The following TCERG1L variants were observed in gnomAD, a reference collection of about 807,000 sequenced individuals.
The protein encoded by TCERG1L is transcription elongation regulator 1-like protein.
Under a neutral mutation model 56.3 loss-of-function variants are expected in TCERG1L, and 37 were observed. The observed-to-expected ratio is 0.66, with a 90% CI of 0.51 to 0.87. The LOEUF is 0.87. TCERG1L is among the 40% of genes least tolerant of loss of function. TCERG1L has a pLI of 0.00. For missense variants in TCERG1L, 799 were observed against 774.2 expected (o/e 1.03, Z -0.38); for synonymous variants, 324 against 326.3 (o/e 0.99, Z 0.08).
At chr10:131,234,451 T>C (rs568924239) in intron 4 of TCERG1L, among the ~76,000 whole-genome samples, 1 of 152,344 alleles carries the variant, frequency 6.6e-6, no homozygotes, top group South Asian at 2.1e-4. Flanking sequence ...ATAAAAGCTA[T>C]TAAAACCTTT....
rs545908314 is a variant in TCERG1L at position 131,180,283 on chromosome 10, G to C, written c.857-13398C>G. On this transcript the variant is annotated intron_variant, in intron 4 of 11. Coordinates refer to ENST00000368642, the MANE Select transcript of TCERG1L (RefSeq NM_174937.4). ...GGCTCACAGGCAGGGGCGAGTGACA[G>C]AAGACAGGCAACGCAGGAGCGAGGC... is the stretch of plus-strand genomic sequence containing the variant. Among the ~76,000 whole-genome samples the C allele has an allele frequency of 2.0e-5, 3 of 152,352 alleles. No homozygotes were observed. The East Asian group carries it at 5.8e-4, about 29-fold the overall frequency.
chr10:131,221,430 A>G lies in TCERG1L; in HGVS notation c.856+38829T>C, dbSNP rs540228594. On this transcript the variant is annotated intron_variant, in intron 4 of 11. Transcript: ENST00000368642. ...AAGGTAGTGGAGAAAGACCCCACCT[A>G]GGGTGACAGCACCCTCTCCCAGGAA... Among the ~76,000 whole-genome samples the G allele has an allele frequency of 2.0e-5, 3 of 152,346 alleles. No homozygotes were observed. The South Asian group carries it at 6.2e-4, about 32-fold the overall frequency.
chr10:131,283,357 G>A (rs1846484745), intron 3 of TCERG1L, among the ~76,000 whole-genome samples: 1 of 152,228 alleles, frequency 6.6e-6, no homozygotes, highest in Non-Finnish European at 1.5e-5. Context: ...CTTCACGGGG[G>A]ACTGGTCTGC....
Position 131,132,701 on chromosome 10 carries a change from T to G in TCERG1L, c.1259+1678A>C, listed in dbSNP as rs530724009. Among the ~76,000 whole-genome samples the G allele has an allele frequency of 2.1e-3, 325 of 152,378 alleles. 1 individual carries two copies. Among genetic ancestry groups the G allele is most frequent in the African/African-American group, 7.6e-3 (315 of 41,598 alleles). ...ATCAGAGAGGCTGCACTGGGCTCTT[T>G]CCTGGAGCCCTTGGCCCCCGTCAGA... is the stretch of plus-strand genomic sequence containing the variant. On this transcript the variant is annotated intron_variant, in intron 8 of 11. Transcript: ENST00000368642.
intron 9 of TCERG1L, among the ~76,000 whole-genome samples, chr10:131,105,026 G>A (rs528246438): frequency 1.3e-5 from 2 of 152,190 alleles, no homozygotes; most frequent in East Asian, 1.9e-4. Flanking sequence ...ATCACATTTC[G>A]CTGCCATATC....
chr10:131,206,080 C>G (rs954018841), intron 4 of TCERG1L, among the ~76,000 whole-genome samples: 1 of 152,240 alleles, frequency 6.6e-6, no homozygotes, highest in Non-Finnish European at 1.5e-5. Flanking sequence ...GCTGCAGACA[C>G]GAAGCCCTCA....
intron 4 of TCERG1L, among the ~76,000 whole-genome samples, chr10:131,229,149 G>A (rs893653711): frequency 6.7e-6 from 1 of 149,342 alleles, no homozygotes; most frequent in Admixed American, 6.6e-5. Flanking sequence ...CTCCAGACAG[G>A]CATTTCCTCA....
In TCERG1L at chr10:131,311,396, C is replaced by T; in HGVS notation, c.240G>A (p.Trp80Ter). 8.4e-7 allele frequency: 1 copy of T among 1,186,516 alleles called. No homozygotes were observed. Among genetic ancestry groups the T allele is most frequent in the Non-Finnish European group, 1.0e-6 (1 of 960,336 alleles). 73.5% of individuals were successfully genotyped at this position (1,186,516 alleles called of 1,614,324 possible). A position where few individuals can be genotyped will look rare whatever the true frequency, so the allele number is the denominator to read the frequency against. The part of the protein sequence containing the change: ...AAPLLPGLPG[W>*]PAPSEPVLPL... ...GGAGCACCGGCTCGCTCGGGGCCGG[C>T]CAGCCGGGGAGACCGGGGAGCAGCG... The change falls in exon 1 of 12, where the codon TGG (tryptophan) becomes TGA (stop). Residue 80 changes from tryptophan (W) to a stop codon, truncating the protein, a stop_gained. Transcript: ENST00000368642. LOFTEE classifies it high-confidence loss of function. This position sits in a 1 kb window ranked among gnomAD's most constrained non-coding sequence, Gnocchi z 4.0.
intron 4 of TCERG1L, among the ~76,000 whole-genome samples, chr10:131,254,020 G>A (rs1846142225): frequency 6.6e-6 from 1 of 152,182 alleles, no homozygotes; most frequent in African/African-American, 2.4e-5. Flanking sequence ...AGGATGGGAG[G>A]ACTCGGGCCA....
intron 4 of TCERG1L, among the ~76,000 whole-genome samples, chr10:131,257,338 C>T (rs1275776691): frequency 6.6e-6 from 1 of 152,206 alleles, no homozygotes. Context: ...CCCGTGCTGA[C>T]ACCACTCTGA....
intron 3 of TCERG1L, among the ~76,000 whole-genome samples, chr10:131,291,719 C>T (rs569043732): frequency 1.1e-3 from 161 of 151,922 alleles, no homozygotes; most frequent in African/African-American, 3.4e-3. Context: ...AGCCACCGCG[C>T]CCGGCCTCCA....
intron 4 of TCERG1L, among the ~76,000 whole-genome samples, chr10:131,236,425 C>G (rs1237122439): frequency 6.6e-6 from 1 of 152,194 alleles, no homozygotes; most frequent in Non-Finnish European, 1.5e-5. Flanking sequence ...CCAGGGCCAC[C>G]AAGCCTGGGG....
At chr10:131,095,812 T>C (rs1180635144) in intron 11 of TCERG1L, 8 of 152,208 alleles carry the variant, frequency 5.3e-5, no homozygotes, top group South Asian at 2.1e-4. Flanking sequence ...AAAGAGTCCG[T>C]TTAACTCCCT....
At chr10:131,141,207 T>G (rs183562091) in intron 7 of TCERG1L, among the ~76,000 whole-genome samples, 2 of 152,218 alleles carry the variant, frequency 1.3e-5, no homozygotes, top group African/African-American at 2.4e-5. Flanking sequence ...ACACCACGGG[T>G]GCTGTGATCT....
At chr10:131,240,228 A>C (rs1433736738) in intron 4 of TCERG1L, among the ~76,000 whole-genome samples, 5 of 152,056 alleles carry the variant, frequency 3.3e-5, no homozygotes, top group African/African-American at 1.2e-4. Flanking sequence ...ATGTGTGTGG[A>C]GCAGGCGCTT....
chr10:131,125,611 G>A (rs897113883), intron 8 of TCERG1L, among the ~76,000 whole-genome samples: 10 of 152,222 alleles, frequency 6.6e-5, no homozygotes, highest in African/African-American at 2.4e-4. Context: ...ACGTGCCTCT[G>A]GCAGCTATAA....
At chr10:131,128,219 G>T (rs1412777827) in intron 8 of TCERG1L, among the ~76,000 whole-genome samples, 1 of 152,108 alleles carries the variant, frequency 6.6e-6, no homozygotes, top group Non-Finnish European at 1.5e-5. Flanking sequence ...TGTCATAGAA[G>T]GAATAGAAAG....
intron 5 of TCERG1L, among the ~76,000 whole-genome samples, chr10:131,163,417 G>A (rs1845998692): frequency 6.6e-6 from 1 of 152,178 alleles, no homozygotes; most frequent in South Asian, 2.1e-4. Context: ...AGAATCACCT[G>A]GACAAAGGCA....
Position 131,221,106 on chromosome 10 carries a change from C to A in TCERG1L, c.856+39153G>T, listed in dbSNP as rs148149878. 2.6e-5 allele frequency among the ~76,000 whole-genome samples: 4 copies of A among 152,298 alleles called. No homozygotes were observed. In the South Asian group the frequency reaches 8.3e-4, roughly 32 times the overall value. On this transcript the variant is annotated intron_variant, in intron 4 of 11. Transcript: ENST00000368642. ...ACCTGCAGGGTGGTCACTGAGGTGG[C>A]CCCCACGCCTGCCCCCAAGGATCTG...
Sources: allele counts gnomAD v4.1 joint callset (sites outside exome capture counted in the v4.1 genomes callset), GRCh38; gene constraint gnomAD v4.1.1; non-coding constraint Gnocchi (gnomAD v3.1); transcripts MANE v1.5; gene names NCBI Gene and HGNC (gene_info 2026-07-23, HGNC 2026-07-21).